SLCO4A1: variants seen among roughly 807,000 people sequenced by gnomAD.
SLCO4A1 encodes solute carrier organic anion transporter family member 4A1.
Under a neutral mutation model 64.6 loss-of-function variants are expected in SLCO4A1, and 51 were observed. That is an observed-to-expected ratio of 0.79 (90% CI 0.63 to 1.00). The LOEUF is 1.00. Ranked by LOEUF, SLCO4A1 falls within the 50% of genes least tolerant of loss-of-function variation. The pLI is 0.00. For missense variants in SLCO4A1, 919 were observed against 980.5 expected (o/e 0.94, Z 0.84); for synonymous variants, 471 against 444.9 (o/e 1.06, Z -0.74).
At chr20:62,663,362 G>GA (rs1985423748) in intron 5 of SLCO4A1, 1 of 152,234 alleles carries the variant, frequency 6.6e-6, no homozygotes, top group Admixed American at 6.5e-5. Context: ...GTGGCCGAGA[G>GA]GAAAGAGCCG....
chr20:62,675,984 T>G (rs1029736509), downstream of SLCO4A1, among the ~76,000 whole-genome samples: 1 of 152,176 alleles, frequency 6.6e-6, no homozygotes, highest in African/African-American at 2.4e-5. Flanking sequence ...CCACGGCTGC[T>G]GGGATGAGGG....
intron 2 of SLCO4A1, among the ~76,000 whole-genome samples, chr20:62,680,800 G>A (rs776857478): frequency 7.2e-5 from 11 of 152,122 alleles, no homozygotes; most frequent in Non-Finnish European, 1.3e-4. Context: ...TTGTGTCTAC[G>A]TTCATGAAAG....
chr20:62,647,921 C>T (rs766766162), intron 1 of SLCO4A1, among the ~76,000 whole-genome samples: 2 of 152,246 alleles, frequency 1.3e-5, no homozygotes, highest in Non-Finnish European at 2.9e-5. Flanking sequence ...GGAGTCAGGG[C>T]CTCCTATCCC....
At chr20:62,667,038 T>A (rs1986479060) in intron 7 of SLCO4A1, among the ~76,000 whole-genome samples, 1 of 152,206 alleles carries the variant, frequency 6.6e-6, no homozygotes, top group Admixed American at 6.5e-5. Flanking sequence ...GGCCCTGCCC[T>A]GCGGGCCCCG....
In SLCO4A1 at chr20:62,656,761, A is replaced by G. The variant is rs752561436; in HGVS notation, c.307A>G (p.Lys103Glu). 3 of 1,612,654 alleles carry G rather than the reference A, an allele frequency of 1.9e-6. No individual in the cohort carries two copies. Among genetic ancestry groups the G allele is most frequent in the Non-Finnish European group, 2.5e-6 (3 of 1,179,812 alleles). The change falls in exon 2 of 12, where the codon AAG becomes GAG. Residue 103 changes from lysine (K) to glutamate (E), a missense_variant. By Grantham distance (56) the Lys-to-Glu change is moderately conservative (BLOSUM62 1). Coordinates refer to ENST00000217159, the MANE Select transcript of SLCO4A1 (RefSeq NM_016354.4). The part of the protein sequence containing the change: ...PPCLQVLNTP[K>E]GILFFLCAAA... ...GTGCCTGCAGGTCCTCAACACGCCC[A>G]AGGGCATCCTGTTCTTCCTGTGTGC...
chr20:62,664,122 A>G (rs945472067), intron 5 of SLCO4A1, among the ~76,000 whole-genome samples: 1 of 151,712 alleles, frequency 6.6e-6, no homozygotes, highest in African/African-American at 2.4e-5. Context: ...TTATCCTGAG[A>G]CCCCACAGCC....
At chr20:62,656,189 G>T (rs1442878702) in intron 1 of SLCO4A1, among the ~76,000 whole-genome samples, 170 bp from the exon 2 acceptor site, 5 of 152,268 alleles carry the variant, frequency 3.3e-5, no homozygotes, top group Non-Finnish European at 7.3e-5. Context: ...GGGAGACACA[G>T]TGCCTGGGTG....
intron 5 of SLCO4A1, among the ~76,000 whole-genome samples, chr20:62,662,319 G>A (rs752429083): frequency 6.6e-6 from 1 of 152,152 alleles, no homozygotes; most frequent in Non-Finnish European, 1.5e-5. Context: ...ACGTTCCCAG[G>A]ACTTGGGAAC....
downstream of SLCO4A1, among the ~76,000 whole-genome samples, chr20:62,688,259 C>T (rs193103023): frequency 2.5e-3 from 378 of 152,292 alleles, 5 homozygotes; most frequent in African/African-American, 8.6e-3. Context: ...GGGGTCCCTA[C>T]GAGAACACCT....
chr20:62,650,937 GCTCA>G (rs1390991407), intron 1 of SLCO4A1, among the ~76,000 whole-genome samples: 1 of 152,196 alleles, frequency 6.6e-6, no homozygotes, highest in African/African-American at 2.4e-5. Context: ...CATCCCTCTG[GCTCA>G]CCAGCTCAGA....
downstream of SLCO4A1, chr20:62,672,394 T>A: frequency 1.7e-6 from 1 of 579,770 alleles, no homozygotes; most frequent in Non-Finnish European, 2.2e-6. Flanking sequence ...AATCCGTGGA[T>A]ATGAAAAGTT....
rs548773536 is a variant in SLCO4A1 at position 62,685,379 on chromosome 20, A to G, written n.212-62A>G. 1.1e-6 allele frequency: 1 copy of G among 913,736 alleles called. No homozygotes were observed. Among genetic ancestry groups the G allele is most frequent in the East Asian group, 1.2e-4 (1 of 8,408 alleles). The allele number at this position is 913,736 out of a possible 1,614,324, so 56.6% of individuals were successfully genotyped here. ...GGGGCAACTGCACCCGCTCCCTTCC[A>G]CTCTGCTGTGGCCTGACCAAGCGGG... is the stretch of plus-strand genomic sequence containing the variant. On this transcript the variant is annotated intron_variant and non_coding_transcript_variant, in intron 2 of 2. Transcript: ENST00000466818. This position sits in a 1 kb window ranked among gnomAD's most constrained non-coding sequence, Gnocchi z 4.6.
intron 9 of SLCO4A1, 115 bp from the exon 10 acceptor site, chr20:62,668,362 T>G (rs974323905): frequency 7.7e-7 from 1 of 1,298,288 alleles, no homozygotes; most frequent in Non-Finnish European, 1.1e-6. Flanking sequence ...GGCTTCCCAC[T>G]TGGGGGGGGG....
rs56113756 is a variant in SLCO4A1 at position 62,661,835 on chromosome 20, G to A, written c.1121+660G>A. Among the ~76,000 whole-genome samples, 25,893 of 151,810 alleles carry A rather than the reference G, an allele frequency of 0.17. 2,237 individuals carry two copies. Among genetic ancestry groups the A allele is most frequent in the Admixed American group, 0.2 (3,033 of 15,256 alleles). On this transcript the variant is annotated intron_variant, in intron 5 of 11. Coordinates refer to ENST00000217159, the MANE Select transcript of SLCO4A1 (RefSeq NM_016354.4). This position sits in a 1 kb window ranked among gnomAD's most constrained non-coding sequence, Gnocchi z 5.2. ...CTTGCTGCACTGCTAGGGTGAACCC[G>A]GGGCCCTGAGCCGGTGGGGTCCTAG...
intron 2 of SLCO4A1, among the ~76,000 whole-genome samples, chr20:62,679,550 A>G (rs1569155467): frequency 6.6e-6 from 1 of 152,036 alleles, no homozygotes; most frequent in Non-Finnish European, 1.5e-5. Context: ...TTTTGTAGAT[A>G]GGGTGTCTTG....
At chr20:62,657,334 C>T (rs1569130212) in intron 2 of SLCO4A1, 84 bp downstream of exon 2, 1 of 1,278,352 alleles carries the variant, frequency 7.8e-7, no homozygotes, top group African/African-American at 1.5e-5. Flanking sequence ...CGGAGCCAGC[C>T]CCGCCCCCTG....
chr20:62,656,507 C>G lies in SLCO4A1; in HGVS notation c.53C>G (p.Ser18Ter). ...DKPLTFPSPN[S>*]AMENGLDHTP... is the part of the protein sequence containing the mutation. The stretch of plus-strand genomic sequence containing the variant: ...CCGCTCACCTTCCCCAGCCCCAACT[C>G]AGCCATGGAAAACGGGCTTGACCAC... Residue 18 changes from serine (S) to a stop codon, truncating the protein, a stop_gained, in exon 2 of 12, where the codon TCA (serine) becomes TGA (stop). Coordinates refer to ENST00000217159, the MANE Select transcript of SLCO4A1 (RefSeq NM_016354.4). LOFTEE classifies it high-confidence loss of function. The G allele has an allele frequency of 6.4e-7, 1 of 1,554,810 alleles. No individual in the cohort carries two copies. The highest frequency in any genetic ancestry group is 8.7e-7 in the Non-Finnish European group (1 of 1,151,504).
At position 62,661,038 on chromosome 20, in the gene SLCO4A1, C is replaced by CCCCCCCCCCCCCCCCCCCCA; in HGVS notation, c.1010-23_1010-22insCCCCCCCCCCCCCCCCACCC. 7.6e-7 allele frequency: 1 copy of CCCCCCCCCCCCCCCCCCCCA among 1,317,862 alleles called. No individual in the cohort carries two copies. Among genetic ancestry groups the CCCCCCCCCCCCCCCCCCCCA allele is most frequent in the Non-Finnish European group, 1.1e-6 (1 of 914,268 alleles). The allele number at this position is 1,317,862 out of a possible 1,614,324, so 81.6% of individuals were successfully genotyped here. On this transcript the variant is annotated intron_variant, in intron 4 of 11. Transcript: ENST00000217159. This position sits in a 1 kb window ranked among gnomAD's most constrained non-coding sequence, Gnocchi z 5.2. ...ACCTCCGGGAGCCCCCAGCCCCCAG[C>CCCCCCCCCCCCCCCCCCCCA]CCCAGCTCACTCTGTGCCCTTCCAG...
At chr20:62,690,623 A>G (rs1049795264), downstream of SLCO4A1, among the ~76,000 whole-genome samples, 2 of 152,256 alleles carry the variant, frequency 1.3e-5, no homozygotes, top group Admixed American at 6.5e-5. Flanking sequence ...TCTGAGATTT[A>G]TTCTTTAATA....
Sources: allele counts gnomAD v4.1 joint callset (sites outside exome capture counted in the v4.1 genomes callset), GRCh38; gene constraint gnomAD v4.1.1; non-coding constraint Gnocchi (gnomAD v3.1); transcripts MANE v1.5; gene names NCBI Gene and HGNC (gene_info 2026-07-23, HGNC 2026-07-21).